The following AK4 variants were observed in gnomAD, a reference collection of about 807,000 sequenced individuals.
AK4 encodes the protein adenylate kinase 4.
AK4 carries 13 observed loss-of-function variants against 24.6 expected under a neutral mutation model. That is an observed-to-expected ratio of 0.53 (90% CI 0.34 to 0.84). The LOEUF (loss-of-function observed/expected upper bound fraction) is 0.84. Among genes scored for constraint, AK4 ranks in the 40% least tolerant of loss-of-function variants. The pLI is 0.01. For synonymous variants in AK4, 88 were observed against 107.0 expected (o/e 0.82, Z 1.10); for missense variants, 192 against 288.2 (o/e 0.67, Z 2.42).
chr1:65,159,986 A>G (rs1650105981), intron 1 of AK4, among the ~76,000 whole-genome samples: 2 of 151,688 alleles, frequency 1.3e-5, no homozygotes, highest in African/African-American at 4.8e-5. Context: ...AAAAAAAAAA[A>G]AAAAGTTGAG....
intron 2 of AK4, among the ~76,000 whole-genome samples, chr1:65,216,858 G>T (rs1316082043): frequency 8.1e-6 from 1 of 124,000 alleles, no homozygotes; most frequent in Non-Finnish European, 1.5e-5. Flanking sequence ...ACCAGTAAAA[G>T]CAATTTTTTA....
intron 1 of AK4, among the ~76,000 whole-genome samples, chr1:65,169,297 G>A (rs1358082244): frequency 6.6e-6 from 1 of 152,040 alleles, no homozygotes; most frequent in African/African-American, 2.4e-5. Flanking sequence ...TCTTTATTTA[G>A]AGTTTATTTG....
chr1:65,194,051 A>G (rs1485608457), intron 2 of AK4, among the ~76,000 whole-genome samples: 1 of 152,228 alleles, frequency 6.6e-6, no homozygotes, highest in Non-Finnish European at 1.5e-5. Context: ...TGATCACACC[A>G]TTGCACTCCA....
intron 1 of AK4, among the ~76,000 whole-genome samples, chr1:65,152,438 T>C (rs183023150): frequency 3.5e-4 from 43 of 123,294 alleles, no homozygotes; most frequent in African/African-American, 1.3e-3. Context: ...AGTCTCACTC[T>C]GTCACCCAGG....
intron 1 of AK4, among the ~76,000 whole-genome samples, chr1:65,187,679 CAT>C (rs1212142384): frequency 6.6e-6 from 1 of 152,176 alleles, no homozygotes; most frequent in East Asian, 1.9e-4. Flanking sequence ...AATGAAATAA[CAT>C]AAAGCACTTA....
rs537708664 is a variant in AK4 at position 65,154,501 on chromosome 1, T to G, written c.145+5949T>G. ...CAAGATGGGTCACCAGCAGCTGTAC[T>G]GGAGCCACTGCTGAAAATTCAGCCA... On this transcript the variant is annotated intron_variant, in intron 1 of 4. Transcript: ENST00000327299. 368 of 525,732 alleles carry G rather than the reference T, an allele frequency of 7.0e-4. 5 individuals are homozygous for G. Among genetic ancestry groups the G allele is most frequent in the South Asian group, 5.1e-3 (364 of 71,946 alleles). 32.6% of individuals were successfully genotyped at this position (525,732 alleles called of 1,614,324 possible).
intron 1 of AK4, among the ~76,000 whole-genome samples, chr1:65,163,025 A>G (rs1323507154): frequency 1.3e-5 from 2 of 152,230 alleles, no homozygotes; most frequent in East Asian, 1.9e-4. Context: ...TTGTTTACCC[A>G]TTCATTCCTT....
At chr1:65,155,564 T>C (rs945165527) in intron 1 of AK4, among the ~76,000 whole-genome samples, 1 of 152,204 alleles carries the variant, frequency 6.6e-6, no homozygotes, top group Non-Finnish European at 1.5e-5. Context: ...AGAAATAATA[T>C]GTATAAGTTA....
intron 2 of AK4, among the ~76,000 whole-genome samples, chr1:65,207,248 G>A (rs528968097): frequency 1.7e-4 from 26 of 151,524 alleles, no homozygotes; most frequent in African/African-American, 6.1e-4. Flanking sequence ...CCTCTATCTT[G>A]CCCTGTCACC....
At chr1:65,197,211 GTT>G (rs35738731) in intron 2 of AK4, among the ~76,000 whole-genome samples, 1 of 151,652 alleles carries the variant, frequency 6.6e-6, no homozygotes, top group Non-Finnish European at 1.5e-5. Flanking sequence ...ATTAGTAACT[GTT>G]TTTTTTCGTT....
chr1:65,188,047 G>A (rs1651162101), intron 1 of AK4, among the ~76,000 whole-genome samples: 1 of 152,144 alleles, frequency 6.6e-6, no homozygotes, highest in Admixed American at 6.5e-5. Context: ...CTTAAGTTGG[G>A]GTTGGGGGTA....
upstream of AK4, chr1:65,147,824 T>C: frequency 6.6e-6 from 1 of 152,070 alleles, no homozygotes; most frequent in Non-Finnish European, 1.5e-5. Flanking sequence ...CTCCGGGGGA[T>C]GTGACAGCCG....
intron 2 of AK4, among the ~76,000 whole-genome samples, chr1:65,194,176 C>G (rs920404113): frequency 3.3e-5 from 5 of 152,234 alleles, no homozygotes; most frequent in Non-Finnish European, 7.3e-5. Flanking sequence ...TTGATTGTCT[C>G]TTTGCTCTCA....
intron 2 of AK4, among the ~76,000 whole-genome samples, chr1:65,212,209 C>T (rs1261748454): frequency 1.3e-5 from 2 of 152,114 alleles, no homozygotes; most frequent in African/African-American, 4.8e-5. Flanking sequence ...AAGGGATGCT[C>T]TACAAATGGT....
intron 1 of AK4, among the ~76,000 whole-genome samples, chr1:65,182,613 A>C (rs1557449962): frequency 6.6e-6 from 1 of 152,092 alleles, no homozygotes; most frequent in Non-Finnish European, 1.5e-5. Flanking sequence ...CTTTCATTCC[A>C]GTTGATGGAT....
intron 1 of AK4, chr1:65,154,751 A>G (rs1570059739): frequency 1.1e-5 from 3 of 265,796 alleles, no homozygotes; most frequent in East Asian, 1.7e-4. Context: ...ACGCTCTTAC[A>G]AATGTCATTG....
At chr1:65,182,393 C>T (rs894452373) in intron 1 of AK4, among the ~76,000 whole-genome samples, 2 of 152,110 alleles carry the variant, frequency 1.3e-5, no homozygotes, top group African/African-American at 4.8e-5. Flanking sequence ...GAGTAGCTCT[C>T]TCATAGGTTA....
chr1:65,156,269 G>T (rs937889537), intron 1 of AK4, among the ~76,000 whole-genome samples: 1 of 151,866 alleles, frequency 6.6e-6, no homozygotes, highest in South Asian at 2.1e-4. Flanking sequence ...TCTCCACAGG[G>T]GTATCTGCTT....
At chr1:65,163,915 A>G (rs1445513424) in intron 1 of AK4, among the ~76,000 whole-genome samples, 2 of 151,912 alleles carry the variant, frequency 1.3e-5, no homozygotes, top group Admixed American at 6.6e-5. Flanking sequence ...GTGGGATGGC[A>G]GAACTTGTTG....
Sources: allele counts gnomAD v4.1 joint callset (sites outside exome capture counted in the v4.1 genomes callset), GRCh38; gene constraint gnomAD v4.1.1; transcripts MANE v1.5; gene names NCBI Gene and HGNC (gene_info 2026-07-23, HGNC 2026-07-21).